NBAS: variants seen among roughly 807,000 people sequenced by gnomAD.
The protein encoded by NBAS is NAG/BC035112 fusion.
NBAS carries 219 observed loss-of-function variants against 302.5 expected under a neutral mutation model. The observed-to-expected ratio is 0.72, with a 90% confidence interval of 0.65 to 0.81. The LOEUF is 0.81. Among genes scored for constraint, NBAS ranks in the 30% least tolerant of loss-of-function variants. The probability of loss-of-function intolerance (pLI) is 0.00; values close to 1 mark genes in which losing one functional copy is unlikely to be tolerated. For synonymous variants in NBAS, 1,118 were observed against 1,021.6 expected (o/e 1.09, Z -1.80); for missense variants, 2,932 against 2,841.6 (o/e 1.03, Z -0.72).
intron 39 of NBAS, 111 bp downstream of exon 39, chr2:15,309,060 A>G (rs1671159728): frequency 1.8e-6 from 1 of 542,134 alleles, no homozygotes; most frequent in Admixed American, 3.8e-5. Context: ...TAAAAGAAAA[A>G]AAAGAAACAG....
At chr2:15,433,156 C>A (rs1677842756) in intron 21 of NBAS, among the ~76,000 whole-genome samples, 1 of 152,122 alleles carries the variant, frequency 6.6e-6, no homozygotes, top group Admixed American at 6.6e-5. Flanking sequence ...GTCTTGAATT[C>A]TAATCCATAA....
At chr2:15,433,365 C>G (rs6728145) in intron 21 of NBAS, among the ~76,000 whole-genome samples, 96,844 of 151,974 alleles carry the variant, frequency 0.64, 31,596 homozygotes, top group Middle Eastern at 0.69. Context: ...AAGGCCCTTA[C>G]AACAGTACCT....
At chr2:15,307,438 TG>T (rs1031407326) in intron 40 of NBAS, among the ~76,000 whole-genome samples, 25 of 152,194 alleles carry the variant, frequency 1.6e-4, no homozygotes, top group African/African-American at 5.8e-4. Context: ...AGAATTTGTT[TG>T]GGGTTGGGAA....
At chr2:15,553,885 T>TCTCTCTCTTTCC (rs1664513979) in intron 4 of NBAS, among the ~76,000 whole-genome samples, 176 bp downstream of exon 4, 1 of 130,958 alleles carries the variant, frequency 7.6e-6, no homozygotes, top group Non-Finnish European at 1.6e-5. Flanking sequence ...TCTCTCTCCC[T>TCTCTCTCTTTCC]CTCTCTCTTT....
chr2:15,482,284 CT>C (rs1268449588), intron 12 of NBAS, among the ~76,000 whole-genome samples: 1 of 152,026 alleles, frequency 6.6e-6, no homozygotes, highest in Non-Finnish European at 1.5e-5. Flanking sequence ...GCACACGCCA[CT>C]TTTTTATTTT....
chr2:15,054,485 C>T, the NBAS span, among the ~76,000 whole-genome samples: 7 of 152,272 alleles, frequency 4.6e-5, no homozygotes, highest in South Asian at 2.1e-4. Flanking sequence ...TTCTCATGCC[C>T]GCTTTCCAGT....
the NBAS span, among the ~76,000 whole-genome samples, chr2:15,122,268 C>T: frequency 8.6e-5 from 13 of 151,950 alleles, no homozygotes; most frequent in African/African-American, 2.4e-4. Flanking sequence ...GATTGGCTCA[C>T]GATTCTGCAG....
intron 28 of NBAS, among the ~76,000 whole-genome samples, chr2:15,391,719 G>T (rs1675614967): frequency 6.6e-6 from 1 of 151,790 alleles, no homozygotes; most frequent in Non-Finnish European, 1.5e-5. Context: ...ACTACACCAT[G>T]AAATTAAATT....
intron 40 of NBAS, among the ~76,000 whole-genome samples, chr2:15,305,539 C>T (rs879257242): frequency 6.6e-6 from 1 of 151,592 alleles, no homozygotes; most frequent in Non-Finnish European, 1.5e-5. Flanking sequence ...GCAACCTCCG[C>T]CTCCCAGATT....
At chr2:15,399,153 G>A (rs762703289) in intron 26 of NBAS, among the ~76,000 whole-genome samples, 7 of 152,112 alleles carry the variant, frequency 4.6e-5, no homozygotes, top group Non-Finnish European at 1.0e-4. Context: ...TGACCTTAGT[G>A]GAAAACAAAG....
Position 15,285,440 on chromosome 2 carries a change from A to G in NBAS, c.5138+1633T>C, listed in dbSNP as rs556307948. Among the ~76,000 whole-genome samples, 6 of 152,224 alleles carry G rather than the reference A, an allele frequency of 3.9e-5. No individual in the cohort carries two copies. In the South Asian group the frequency reaches 6.2e-4, roughly 16 times the overall value. On this transcript the variant is annotated intron_variant, in intron 42 of 51. Transcript: ENST00000281513. ...TCCTCTACCATTTTAAATGTGGAAG[A>G]CTTCAAGCACTGCCTCAAGCTTTCT...
chr2:15,012,128 C>T, the NBAS span, among the ~76,000 whole-genome samples: 36 of 152,026 alleles, frequency 2.4e-4, no homozygotes, highest in African/African-American at 8.2e-4. Flanking sequence ...ATCTTAAGGA[C>T]ACTCAGGAAA....
the NBAS span, among the ~76,000 whole-genome samples, chr2:14,861,418 C>T: frequency 2.6e-5 from 4 of 152,114 alleles, no homozygotes; most frequent in Admixed American, 1.3e-4. Flanking sequence ...AATTGAGAGA[C>T]AAAAGAACAG....
At chr2:15,040,009 G>C in the NBAS span, among the ~76,000 whole-genome samples, 3 of 152,318 alleles carry the variant, frequency 2.0e-5, no homozygotes, top group African/African-American at 7.2e-5. Context: ...CCCGTCTCCA[G>C]AGAGAATGAC....
chr2:15,386,848 A>G (rs1675322815), intron 28 of NBAS, among the ~76,000 whole-genome samples: 2 of 151,752 alleles, frequency 1.3e-5, no homozygotes, highest in African/African-American at 4.8e-5. Context: ...TATGTTGCCA[A>G]TTTTTCTACA....
the NBAS span, among the ~76,000 whole-genome samples, chr2:14,873,464 G>C: frequency 6.6e-6 from 1 of 152,058 alleles, no homozygotes; most frequent in East Asian, 1.9e-4. Context: ...TGATCCACAC[G>C]CCTTCGCCTC....
chr2:15,414,675 T>C (rs1676835063), intron 25 of NBAS, among the ~76,000 whole-genome samples: 1 of 152,230 alleles, frequency 6.6e-6, no homozygotes, highest in Non-Finnish European at 1.5e-5. Context: ...CCGTGCGCAG[T>C]GGCTCACGCC....
chr2:14,881,908 A>G, the NBAS span, among the ~76,000 whole-genome samples: 1 of 152,192 alleles, frequency 6.6e-6, no homozygotes, highest in Non-Finnish European at 1.5e-5. Context: ...GAACCTGCCA[A>G]AATGTCTTGT....
intron 28 of NBAS, among the ~76,000 whole-genome samples, chr2:15,384,084 C>T (rs1675172159): frequency 6.6e-6 from 1 of 152,218 alleles, no homozygotes; most frequent in Non-Finnish European, 1.5e-5. Context: ...AGTTCATTTA[C>T]AGTTCCTCCA....
Sources: gnomAD v4.1 joint callset for allele counts (sites outside exome capture counted in the v4.1 genomes callset) on GRCh38, gnomAD v4.1.1 for gene constraint, MANE v1.5 for transcripts, NCBI Gene and HGNC (gene_info 2026-07-23, HGNC 2026-07-21) for gene names.